The following CACNA2D2 variants were observed in gnomAD, a reference collection of about 807,000 sequenced individuals.
CACNA2D2 encodes the protein calcium voltage-gated channel auxiliary subunit alpha2delta 2.
CACNA2D2 carries 48 observed loss-of-function variants against 166.4 expected under a neutral mutation model. That is an observed-to-expected ratio of 0.29 (90% CI 0.23 to 0.37). The LOEUF is 0.37. CACNA2D2 is among the 10% of genes least tolerant of loss of function. The pLI is 1.00. For synonymous variants in CACNA2D2, 561 were observed against 573.7 expected (o/e 0.98, Z 0.32); for missense variants, 1,122 against 1,433.0 (o/e 0.78, Z 3.50).
rs568798131 is a variant in CACNA2D2 at position 50,464,278 on chromosome 3, A to G, written c.288+11840T>C. Among the ~76,000 whole-genome samples the G allele has an allele frequency of 2.6e-5, 4 of 152,368 alleles. No homozygotes were observed. The South Asian group carries it at 8.3e-4, about 32-fold the overall frequency. On this transcript the variant is annotated intron_variant, in intron 2 of 37. Coordinates refer to ENST00000424201, the MANE Select transcript of CACNA2D2 (RefSeq NM_006030.4). Reference sequence around the variant, plus strand: ...CCAGGATCTGTGGAGGAGGCAGGTCAACTAGCTTGGGACTAGACATGACCT... The same window carrying G: ...CCAGGATCTGTGGAGGAGGCAGGTCGACTAGCTTGGGACTAGACATGACCT...
At chr3:50,450,513 C>T (rs1041652690) in intron 2 of CACNA2D2, among the ~76,000 whole-genome samples, 2 of 152,216 alleles carry the variant, frequency 1.3e-5, no homozygotes, top group African/African-American at 4.8e-5. Context: ...GCACCCCCAT[C>T]ACCCTGCTCT....
chr3:50,459,279 T>C (rs1709496478), intron 2 of CACNA2D2, among the ~76,000 whole-genome samples: 1 of 152,174 alleles, frequency 6.6e-6, no homozygotes, highest in Non-Finnish European at 1.5e-5. Flanking sequence ...CTAGTGCTTC[T>C]GCCTGGGCCA....
At chr3:50,403,018 T>C (rs993622519) in intron 3 of CACNA2D2, among the ~76,000 whole-genome samples, 5 of 152,074 alleles carry the variant, frequency 3.3e-5, no homozygotes, top group Non-Finnish European at 7.4e-5. Flanking sequence ...GGGGTGGTCG[T>C]TGAGTGTGAC....
intron 2 of CACNA2D2, among the ~76,000 whole-genome samples, chr3:50,467,829 C>T (rs1159490372): frequency 6.6e-6 from 1 of 152,172 alleles, no homozygotes; most frequent in African/African-American, 2.4e-5. Context: ...TTTATGGCTC[C>T]GTAACTTTCT....
chr3:50,395,540 C>T (rs759092615), intron 3 of CACNA2D2, among the ~76,000 whole-genome samples: 5 of 152,212 alleles, frequency 3.3e-5, no homozygotes, highest in Non-Finnish European at 5.9e-5. Context: ...GAAGGTCCCG[C>T]CTCTTGGTAT....
At chr3:50,426,851 C>T (rs185984705) in intron 3 of CACNA2D2, among the ~76,000 whole-genome samples, 43 of 152,292 alleles carry the variant, frequency 2.8e-4, no homozygotes, top group Non-Finnish European at 2.2e-4. Flanking sequence ...CTAGCTCAGG[C>T]GGGTGGCTGA....
In CACNA2D2 at chr3:50,365,245, TGCGGCCCCGCCCCCGGCCGCTCG is replaced by T. The variant is rs1704178872; in HGVS notation, c.3099-84_3099-62del. 1 of 463,392 alleles carries T rather than the reference TGCGGCCCCGCCCCCGGCCGCTCG, an allele frequency of 2.2e-6. No individual in the cohort carries two copies. The highest frequency in any genetic ancestry group is 3.0e-6 in the Non-Finnish European group (1 of 331,354). 28.7% of individuals were successfully genotyped at this position (463,392 alleles called of 1,614,324 possible). ...GCCCCGCCCTGACCCACCCCCATCC[TGCGGCCCCGCCCCCGGCCGCTCG>T]GAGGCCCCGCCCCTTCCATCCTCCC... is the stretch of plus-strand genomic sequence containing the variant. On this transcript the variant is annotated intron_variant, in intron 35 of 37. Transcript: ENST00000424201. This position sits in a 1 kb window ranked among gnomAD's most constrained non-coding sequence, Gnocchi z 4.5.
intron 13 of CACNA2D2, among the ~76,000 whole-genome samples, chr3:50,378,711 C>A (rs1224790322): frequency 2.0e-5 from 3 of 152,202 alleles, no homozygotes; most frequent in Non-Finnish European, 4.4e-5. Flanking sequence ...GGACAATGGA[C>A]AGACAGACGG....
At chr3:50,436,533 A>C (rs1446056047) in intron 2 of CACNA2D2, among the ~76,000 whole-genome samples, 1 of 152,182 alleles carries the variant, frequency 6.6e-6, no homozygotes, top group Admixed American at 6.5e-5. Context: ...GGGCACCAAC[A>C]GGTGACATGA....
At chr3:50,484,856 C>T (rs765587302) in intron 1 of CACNA2D2, among the ~76,000 whole-genome samples, 23 of 152,246 alleles carry the variant, frequency 1.5e-4, no homozygotes, top group African/African-American at 2.2e-4. Context: ...GTCCTGCTGA[C>T]GTCCCAGCCC....
chr3:50,426,482 C>A (rs535933161), intron 3 of CACNA2D2, among the ~76,000 whole-genome samples: 1 of 152,134 alleles, frequency 6.6e-6, no homozygotes. Context: ...TCAGGACACC[C>A]AAGGTGTTGA....
chr3:50,415,049 G>A (rs999507155), intron 3 of CACNA2D2, among the ~76,000 whole-genome samples: 6 of 152,196 alleles, frequency 3.9e-5, no homozygotes, highest in Non-Finnish European at 7.3e-5. Context: ...CCCGGAGAAC[G>A]CGGGTCATGG....
chr3:50,434,287 C>T lies in CACNA2D2; in HGVS notation c.405+26G>A, dbSNP rs1375978216. On this transcript the variant is annotated intron_variant, in intron 3 of 37. Coordinates refer to ENST00000424201, the MANE Select transcript of CACNA2D2 (RefSeq NM_006030.4). ...CACCTGGCCCTCCCTCAGTGCCGCC[C>T]CCCTGCCCCCAAAACACACACCTAC... is the stretch of plus-strand genomic sequence containing the variant. The T allele has an allele frequency of 3.2e-6, 5 of 1,545,068 alleles. No individual in the cohort carries two copies. In the Admixed American group the frequency reaches 5.0e-5, roughly 15 times the overall value.
At chr3:50,476,684 A>G (rs1160713635) in intron 1 of CACNA2D2, among the ~76,000 whole-genome samples, 7 of 152,180 alleles carry the variant, frequency 4.6e-5, no homozygotes, top group Admixed American at 4.6e-4. Flanking sequence ...GTAACTGGGC[A>G]GGTCCCTGCC....
intron 3 of CACNA2D2, among the ~76,000 whole-genome samples, chr3:50,401,626 T>C (rs1706458084): frequency 6.6e-6 from 1 of 152,156 alleles, no homozygotes; most frequent in Admixed American, 6.5e-5. Flanking sequence ...ATGTTGTATT[T>C]TGCCAAGAGA....
chr3:50,367,748 G>A lies in CACNA2D2; in HGVS notation c.2235-44C>T. On this transcript the variant is annotated intron_variant, in intron 25 of 37. Transcript: ENST00000424201. This position sits in a 1 kb window ranked among gnomAD's most constrained non-coding sequence, Gnocchi z 6.5. ...TGGGGTCACAGGCCTGCCTTCTGCTGGGCAGGTCCAGGGCCTCTGGGCCCA... is the reference window on the plus strand; with the variant it reads ...TGGGGTCACAGGCCTGCCTTCTGCTAGGCAGGTCCAGGGCCTCTGGGCCCA... 1.2e-6 allele frequency: 2 copies of A among 1,610,930 alleles called. No individual in the cohort carries two copies.
At chr3:50,474,830 T>C (rs56120139) in intron 2 of CACNA2D2, among the ~76,000 whole-genome samples, 2,623 of 152,208 alleles carry the variant, frequency 0.017, 73 homozygotes, top group African/African-American at 0.06. Flanking sequence ...CCGGAACAGC[T>C]TTTTCTACAG....
At position 50,367,148 on chromosome 3, in the gene CACNA2D2, G is replaced by A. The variant is rs749854784; in HGVS notation, c.2402-39C>T. The stretch of plus-strand genomic sequence containing the variant: ...GGGGAAGTCAGGAGTGGGGTCTGGC[G>A]GCCACACTGACCACTCTATGCTGGG... On this transcript the variant is annotated intron_variant, in intron 27 of 37. Transcript: ENST00000424201. The surrounding 1 kb of genome is among the most constrained non-coding windows in gnomAD (Gnocchi z 6.5). 8.0e-6 allele frequency: 12 copies of A among 1,492,796 alleles called. No homozygotes were observed. Among genetic ancestry groups the A allele is most frequent in the East Asian group, 4.6e-5 (2 of 43,868 alleles). The allele number at this position is 1,492,796 out of a possible 1,614,324, so 92.5% of individuals were successfully genotyped here. A position where few individuals can be genotyped will look rare whatever the true frequency, so the allele number is the denominator to read the frequency against.
At chr3:50,374,661 G>A (rs928629433) in intron 22 of CACNA2D2, 76 bp downstream of exon 22, 74 of 1,511,714 alleles carry the variant, frequency 4.9e-5, no homozygotes, top group Non-Finnish European at 6.4e-5. Context: ...AGCGGCGCTG[G>A]CTATGCTGCC....
Sources: gnomAD v4.1 joint callset for allele counts (sites outside exome capture counted in the v4.1 genomes callset) on GRCh38, gnomAD v4.1.1 for gene constraint, Gnocchi (gnomAD v3.1) non-coding constraint, MANE v1.5 for transcripts, NCBI Gene and HGNC (gene_info 2026-07-23, HGNC 2026-07-21) for gene names.